The following ADAMTSL1 variants were observed in gnomAD, a reference collection of about 807,000 sequenced individuals.
The protein encoded by ADAMTSL1 is ADAMTS-like protein 1.
ADAMTSL1 carries 126 observed loss-of-function variants against 201.8 expected under a neutral mutation model. That is an observed-to-expected ratio of 0.62 (90% confidence interval 0.54 to 0.72). The LOEUF (loss-of-function observed/expected upper bound fraction) is 0.72. Ranked by LOEUF, ADAMTSL1 falls within the 30% of genes least tolerant of loss-of-function variation. The probability of loss-of-function intolerance (pLI) is 0.00; values close to 1 mark genes in which losing one functional copy is unlikely to be tolerated. For synonymous variants in ADAMTSL1, 1,121 were observed against 903.4 expected (o/e 1.24, Z -4.32); for missense variants, 2,679 against 2,277.8 (o/e 1.18, Z -3.59).
chr9:18,046,201 T>A (rs1821650315), intron 1 of ADAMTSL1, among the ~76,000 whole-genome samples: 5 of 152,160 alleles, frequency 3.3e-5, no homozygotes, highest in African/African-American at 1.2e-4. Flanking sequence ...AGATATAGGC[T>A]TGAGTGCTGT....
intron 1 of ADAMTSL1, among the ~76,000 whole-genome samples, chr9:18,014,937 C>G (rs1041577582): frequency 6.6e-6 from 1 of 151,994 alleles, no homozygotes; most frequent in Non-Finnish European, 1.5e-5. Context: ...TAGTGATCAT[C>G]AAGAAAAGCC....
intron 1 of ADAMTSL1, among the ~76,000 whole-genome samples, chr9:18,011,039 C>G (rs386471014): frequency 1.3e-5 from 2 of 151,840 alleles, no homozygotes; most frequent in East Asian, 1.9e-4. Flanking sequence ...TTGCAGAATT[C>G]TTTAGAACAC....
chr9:18,059,869 A>G (rs1412794797), intron 1 of ADAMTSL1, among the ~76,000 whole-genome samples: 1 of 152,128 alleles, frequency 6.6e-6, no homozygotes, highest in Admixed American at 6.6e-5. Context: ...ATACCATTTT[A>G]AGTTCTCTTT....
chr9:18,289,337 A>C (rs901534586), intron 2 of ADAMTSL1, among the ~76,000 whole-genome samples: 2 of 152,166 alleles, frequency 1.3e-5, no homozygotes, highest in Non-Finnish European at 2.9e-5. Context: ...GAGGGCTAAG[A>C]AGTACCCTCA....
chr9:18,396,518 T>G (rs1171394131), intron 2 of ADAMTSL1, among the ~76,000 whole-genome samples: 1 of 148,100 alleles, frequency 6.8e-6, no homozygotes, highest in Non-Finnish European at 1.5e-5. Context: ...AATTATATAT[T>G]AATTATATTA....
chr9:17,920,140 A>T (rs748882635), intron 1 of ADAMTSL1, among the ~76,000 whole-genome samples: 2 of 152,168 alleles, frequency 1.3e-5, no homozygotes, highest in Admixed American at 6.6e-5. Context: ...GATTGAAAGA[A>T]AAGTTCTTAA....
chr9:17,949,245 G>A (rs961409016), intron 1 of ADAMTSL1, among the ~76,000 whole-genome samples: 1 of 152,194 alleles, frequency 6.6e-6, no homozygotes, highest in Non-Finnish European at 1.5e-5. Context: ...GAGCCCAGAG[G>A]CTCAGTGGTA....
At chr9:18,082,125 A>G (rs1209840518) in intron 1 of ADAMTSL1, among the ~76,000 whole-genome samples, 1 of 152,210 alleles carries the variant, frequency 6.6e-6, no homozygotes, top group Non-Finnish European at 1.5e-5. Flanking sequence ...AGTTATCTTT[A>G]ATGTTGAAAA....
At chr9:18,194,309 G>A (rs1265409443) in intron 2 of ADAMTSL1, among the ~76,000 whole-genome samples, 4 of 152,044 alleles carry the variant, frequency 2.6e-5, no homozygotes, top group East Asian at 3.9e-4. Flanking sequence ...CAGAAAGGAA[G>A]ACACCAGTAG....
intron 1 of ADAMTSL1, among the ~76,000 whole-genome samples, chr9:17,965,524 A>G (rs964246196): frequency 1.9e-4 from 29 of 152,196 alleles, no homozygotes; most frequent in African/African-American, 6.8e-4. Flanking sequence ...ATTTAAAGCA[A>G]TCACATCGCT....
intron 1 of ADAMTSL1, among the ~76,000 whole-genome samples, chr9:18,083,094 G>T (rs988217060): frequency 1.3e-5 from 2 of 152,166 alleles, no homozygotes; most frequent in South Asian, 4.1e-4. Flanking sequence ...CATGTGGAAC[G>T]TAAGACTTGA....
chr9:18,819,558 TG>T (rs1358339260), intron 21 of ADAMTSL1, among the ~76,000 whole-genome samples: 1 of 152,020 alleles, frequency 6.6e-6, no homozygotes, highest in African/African-American at 2.4e-5. Flanking sequence ...GTATTTACGT[TG>T]GGGAGCCTAA....
At chr9:18,582,666 G>C (rs1043686630) in intron 4 of ADAMTSL1, among the ~76,000 whole-genome samples, 1 of 151,924 alleles carries the variant, frequency 6.6e-6, no homozygotes. Flanking sequence ...GGCTAACATG[G>C]TGAAACCCCA....
intron 23 of ADAMTSL1, among the ~76,000 whole-genome samples, chr9:18,838,399 ACAC>A (rs1383992322): frequency 0.042 from 6,159 of 145,032 alleles, 348 homozygotes; most frequent in African/African-American, 0.12. Context: ...ACACACACAC[ACAC>A]GCAAAAACCT....
At chr9:18,470,228 T>G (rs1378413353), upstream of ADAMTSL1, among the ~76,000 whole-genome samples, 1 of 152,162 alleles carries the variant, frequency 6.6e-6, no homozygotes, top group Non-Finnish European at 1.5e-5. Context: ...ACTCTCTAAC[T>G]CCTAGAGTTT....
intron 2 of ADAMTSL1, among the ~76,000 whole-genome samples, chr9:18,448,626 A>G (rs1820288013): frequency 6.6e-6 from 1 of 152,182 alleles, no homozygotes; most frequent in Non-Finnish European, 1.5e-5. Flanking sequence ...CTAGAATGTA[A>G]ATACCATGCC....
At chr9:17,951,555 G>A (rs1827728461) in intron 1 of ADAMTSL1, among the ~76,000 whole-genome samples, 1 of 151,686 alleles carries the variant, frequency 6.6e-6, no homozygotes, top group Non-Finnish European at 1.5e-5. Context: ...CTGTGAGGCT[G>A]AATCCCTTTC....
At chr9:17,938,338 T>C (rs187767239) in intron 1 of ADAMTSL1, among the ~76,000 whole-genome samples, 63 of 152,252 alleles carry the variant, frequency 4.1e-4, no homozygotes, top group African/African-American at 1.5e-3. Flanking sequence ...TTCATGTAAT[T>C]TGAGTCTTGA....
At chr9:18,317,548 T>A (rs752150041) in intron 2 of ADAMTSL1, among the ~76,000 whole-genome samples, 45 of 152,192 alleles carry the variant, frequency 3.0e-4, no homozygotes, top group Non-Finnish European at 5.7e-4. Context: ...ATATATAATT[T>A]TTGTTTGTCA....
Sources: allele counts gnomAD v4.1 joint callset (sites outside exome capture counted in the v4.1 genomes callset), GRCh38; gene constraint gnomAD v4.1.1; transcripts MANE v1.5; gene names NCBI Gene and HGNC (gene_info 2026-07-23, HGNC 2026-07-21).